CEP83: variants seen among roughly 807,000 people sequenced by gnomAD.
The protein encoded by CEP83 is centrosomal protein 83, also known as centrosomal protein of 83 kDa.
Under a neutral mutation model 101.9 loss-of-function variants are expected in CEP83, and 70 were observed. That is an observed-to-expected ratio of 0.69 (90% CI 0.57 to 0.84). CEP83 has a LOEUF of 0.84. Among genes scored for constraint, CEP83 ranks in the 40% least tolerant of loss-of-function variants. The probability of loss-of-function intolerance (pLI) is 0.00; values close to 1 mark genes in which losing one functional copy is unlikely to be tolerated. For synonymous variants in CEP83, 264 were observed against 267.9 expected (o/e 0.99, Z 0.14); for missense variants, 715 against 787.2 (o/e 0.91, Z 1.10).
chr12:94,307,316 C>T (rs944480722), downstream of CEP83: 3 of 152,146 alleles, frequency 2.0e-5, no homozygotes, highest in African/African-American at 7.2e-5. Flanking sequence ...TGTCAATCCT[C>T]CAGTGAAAAG....
chr12:94,350,732 C>T (rs1020496875), intron 11 of CEP83, among the ~76,000 whole-genome samples: 1 of 152,122 alleles, frequency 6.6e-6, no homozygotes, highest in East Asian at 1.9e-4. Context: ...AATCATGTAT[C>T]TGATAAGGCA....
At chr12:94,321,679 AG>A (rs1300051618) in intron 14 of CEP83, among the ~76,000 whole-genome samples, 1 of 151,942 alleles carries the variant, frequency 6.6e-6, no homozygotes, top group African/African-American at 2.4e-5. Context: ...CATCCGTACC[AG>A]CCCCTGGTCC....
chr12:94,433,206 A>G (rs1041719355), intron 2 of CEP83, among the ~76,000 whole-genome samples: 1 of 152,242 alleles, frequency 6.6e-6, no homozygotes, highest in East Asian at 1.9e-4. Flanking sequence ...TTAGATGGAT[A>G]GAAGACATTA....
intron 11 of CEP83, among the ~76,000 whole-genome samples, chr12:94,345,394 T>A (rs1208663727): frequency 6.6e-6 from 1 of 152,200 alleles, no homozygotes; most frequent in Non-Finnish European, 1.5e-5. Context: ...CATGTATCTT[T>A]GTTACCGTAT....
the CEP83 span, chr12:94,280,050 A>AT: frequency 5.8e-6 from 2 of 347,810 alleles, no homozygotes; most frequent in African/African-American, 2.1e-5. Context: ...TGAGCGTGTC[A>AT]TTACTGGGTG....
intron 2 of CEP83, among the ~76,000 whole-genome samples, chr12:94,417,915 T>C (rs1317189675): frequency 2.0e-5 from 3 of 152,304 alleles, no homozygotes; most frequent in East Asian, 3.9e-4. Context: ...AGGAATGTTA[T>C]GGTTATCTGA....
chr12:94,298,836 G>A, the CEP83 span: 1 of 1,555,152 alleles, frequency 6.4e-7, no homozygotes, highest in South Asian at 1.2e-5. Context: ...CAAGAATCTG[G>A]GACAGAATAT....
intron 11 of CEP83, 39 bp from the exon 12 acceptor site, chr12:94,335,703 C>A: frequency 7.7e-7 from 1 of 1,305,016 alleles, no homozygotes; most frequent in South Asian, 1.3e-5. Flanking sequence ...TATTAAGAAT[C>A]CATGATTCAT....
chr12:94,355,369 T>A (rs2060411524), intron 11 of CEP83, among the ~76,000 whole-genome samples: 1 of 152,030 alleles, frequency 6.6e-6, no homozygotes, highest in African/African-American at 2.4e-5. Context: ...GGCAGGTGCC[T>A]GTAGTCCTGG....
At chr12:94,424,415 G>A (rs1392583690) in intron 2 of CEP83, 2 of 1,613,904 alleles carry the variant, frequency 1.2e-6, no homozygotes, top group East Asian at 4.5e-5. Context: ...ACACTTCTCT[G>A]TGGACTCCAT....
intron 1 of CEP83, among the ~76,000 whole-genome samples, chr12:94,442,201 T>C (rs2066463709): frequency 1.3e-5 from 2 of 151,898 alleles, no homozygotes; most frequent in South Asian, 4.3e-4. Context: ...TGAGATGGCA[T>C]TGGAGGCCAT....
At chr12:94,433,656 T>C (rs1198623275) in intron 2 of CEP83, among the ~76,000 whole-genome samples, 1 of 150,646 alleles carries the variant, frequency 6.6e-6, no homozygotes, top group Non-Finnish European at 1.5e-5. Flanking sequence ...CACTCCAGCC[T>C]GGGTGACGAG....
the CEP83 span, among the ~76,000 whole-genome samples, chr12:94,275,233 A>G: frequency 6.6e-6 from 1 of 152,208 alleles, no homozygotes; most frequent in Non-Finnish European, 1.5e-5. Context: ...TTTGTCTCTG[A>G]AATTTATCAT....
intron 6 of CEP83, among the ~76,000 whole-genome samples, chr12:94,383,556 A>G (rs1462827383): frequency 6.6e-6 from 1 of 152,068 alleles, no homozygotes; most frequent in Non-Finnish European, 1.5e-5. Context: ...TAATCTGGGG[A>G]CTGTCAGTAC....
At chr12:94,423,474 T>C (rs1309721115) in intron 2 of CEP83, among the ~76,000 whole-genome samples, 2 of 150,148 alleles carry the variant, frequency 1.3e-5, no homozygotes, top group East Asian at 3.9e-4. Context: ...TTTTTTTTTT[T>C]GCAAAAGAAA....
chr12:94,414,157 G>GT (rs538657037), intron 2 of CEP83, among the ~76,000 whole-genome samples: 20 of 152,260 alleles, frequency 1.3e-4, no homozygotes, highest in Non-Finnish European at 2.5e-4. Flanking sequence ...CACGCACTGG[G>GT]ATTCAATCTT....
At chr12:94,307,314 C>T (rs1325087294), downstream of CEP83, 3 of 152,164 alleles carry the variant, frequency 2.0e-5, no homozygotes, top group Non-Finnish European at 2.9e-5. Context: ...TTTGTCAATC[C>T]TCCAGTGAAA....
chr12:94,292,865 C>T, the CEP83 span, among the ~76,000 whole-genome samples: 2 of 152,196 alleles, frequency 1.3e-5, no homozygotes, highest in Non-Finnish European at 2.9e-5. Context: ...TAGGGATGCT[C>T]AACCTGTATA....
chr12:94,273,440 T>C, the CEP83 span, among the ~76,000 whole-genome samples: 1 of 152,092 alleles, frequency 6.6e-6, no homozygotes, highest in Non-Finnish European at 1.5e-5. Context: ...AAGCCAAGTG[T>C]CTCCATGGTC....
Sources: gnomAD v4.1 joint callset for allele counts (sites outside exome capture counted in the v4.1 genomes callset) on GRCh38, gnomAD v4.1.1 for gene constraint, MANE v1.5 for transcripts, NCBI Gene and HGNC (gene_info 2026-07-23, HGNC 2026-07-21) for gene names.